CLSTN3: variants seen among roughly 807,000 people sequenced by gnomAD.
CLSTN3 encodes calsyntenin 3.
A neutral mutation model predicts 95.9 loss-of-function variants in CLSTN3; 36 were observed. That is an observed-to-expected ratio of 0.38 (90% CI 0.29 to 0.50). CLSTN3 has a LOEUF of 0.50. Ranked by LOEUF, CLSTN3 falls within the 20% of genes least tolerant of loss-of-function variation. The probability of loss-of-function intolerance (pLI) is 0.95; values close to 1 mark genes in which losing one functional copy is unlikely to be tolerated. For synonymous variants in CLSTN3, 481 were observed against 504.0 expected (o/e 0.95, Z 0.61); for missense variants, 1,084 against 1,268.8 (o/e 0.85, Z 2.21).
In CLSTN3 at chr12:7,142,117, C is replaced by A; in HGVS notation, c.1518C>A (p.Asp506Glu). ...EEKNKEKEKG[D>E]NSTDTTQGDP... is the part of the protein sequence containing the mutation. Reference sequence around the variant, plus strand: ...AGAACAAAGAGAAGGAAAAGGGAGACAACAGTACAGACACCACCCAAGGTA... The same window carrying A: ...AGAACAAAGAGAAGGAAAAGGGAGAAAACAGTACAGACACCACCCAAGGTA... Residue 506 changes from aspartate to glutamate, a missense_variant, in exon 10 of 18, where the codon GAC (aspartate) becomes GAA (glutamate). Coordinates refer to ENST00000266546, the MANE Select transcript of CLSTN3 (RefSeq NM_014718.4). 6.2e-7 allele frequency: 1 copy of A among 1,606,268 alleles called. No individual in the cohort carries two copies. Among genetic ancestry groups the A allele is most frequent in the Non-Finnish European group, 8.5e-7 (1 of 1,175,662 alleles).
At position 7,132,835 on chromosome 12, in the gene CLSTN3, C is replaced by T. The variant is rs768397825; in HGVS notation, c.65-189C>T. The T allele has an allele frequency of 1.4e-4, 102 of 708,828 alleles. No individual in the cohort carries two copies. In the African/African-American group the frequency reaches 1.5e-3, roughly 10 times the overall value. The allele number at this position is 708,828 out of a possible 1,614,324, so 43.9% of individuals were successfully genotyped here. On this transcript the variant is annotated intron_variant, in intron 1 of 17. Coordinates refer to ENST00000266546, the MANE Select transcript of CLSTN3 (RefSeq NM_014718.4). Reference sequence around the variant, plus strand: ...GCTATAGGAGAAGGCTATGACCTCCCGCAGACCCTCTGACTCCTTTAGTAG... The same window carrying T: ...GCTATAGGAGAAGGCTATGACCTCCTGCAGACCCTCTGACTCCTTTAGTAG...
chr12:7,135,747 C>A (rs959933439), intron 4 of CLSTN3, 57 bp from the exon 5 acceptor site: 1 of 1,545,322 alleles, frequency 6.5e-7, no homozygotes, highest in Non-Finnish European at 8.7e-7. Context: ...ATCCTCCCCT[C>A]CCTGCCCTGG....
rs763147878 is a variant in CLSTN3, at chr12:7,148,966, A to G, written c.1848-6A>G. The G allele has an allele frequency of 3.1e-6, 5 of 1,613,020 alleles. No individual in the cohort carries two copies. Among genetic ancestry groups the G allele is most frequent in the Non-Finnish European group, 4.2e-6 (5 of 1,179,120 alleles). On this transcript the variant is annotated splice_region_variant and splice_polypyrimidine_tract_variant and intron_variant, in intron 12 of 17. Coordinates refer to ENST00000266546, the MANE Select transcript of CLSTN3 (RefSeq NM_014718.4). ...CACATGCTGCTTCTCCTGCTTTCTT[A>G]CATAGGTGCTTCAGCGAAGAGTCCT...
Position 7,141,427 on chromosome 12 carries a change from C to A in CLSTN3, c.1486+23C>A. 1.2e-6 allele frequency: 2 copies of A among 1,613,828 alleles called. No individual in the cohort carries two copies. The highest frequency in any genetic ancestry group is 1.7e-6 in the Non-Finnish European group (2 of 1,179,808). On this transcript the variant is annotated intron_variant, in intron 9 of 17. Coordinates refer to ENST00000266546, the MANE Select transcript of CLSTN3 (RefSeq NM_014718.4). This position sits in a 1 kb window ranked among gnomAD's most constrained non-coding sequence, Gnocchi z 4.1. Reference sequence around the variant, plus strand: ...CTGGTAAGCTTCTCAGTGAAGACTCCAGTGGTTCAGGATTTGGGAAGGGAG... The same window carrying A: ...CTGGTAAGCTTCTCAGTGAAGACTCAAGTGGTTCAGGATTTGGGAAGGGAG...
rs779979604 is a variant in CLSTN3 at position 7,137,098 on chromosome 12, A to T, written c.1198A>T (p.Thr400Ser). The T allele has an allele frequency of 3.7e-6, 6 of 1,610,880 alleles. No homozygotes were observed. Among genetic ancestry groups the T allele is most frequent in the Non-Finnish European group, 5.1e-6 (6 of 1,178,662 alleles). The change falls in exon 7 of 18, where the codon ACT (threonine) becomes TCT (serine). Residue 400 changes from threonine to serine, a missense_variant. By Grantham distance (58) the Thr-to-Ser change is moderately conservative. Transcript: ENST00000266546. The surrounding 1 kb of genome is among the most constrained non-coding windows in gnomAD (Gnocchi z 4.4). ...GGAAGAGGAAACCATCGTATGTAAC[A>T]CTGTCCAGAATGGTGAGCCTCCCCT... ...KKEEETIVCN[T>S]VQNEDGFSHY...
intron 12 of CLSTN3, among the ~76,000 whole-genome samples, chr12:7,146,432 A>G (rs1939623163): frequency 6.6e-6 from 1 of 151,798 alleles, no homozygotes; most frequent in South Asian, 2.1e-4. Context: ...AAAAAAACAG[A>G]TCTTATCATG....
chr12:7,143,090 C>T, intron 11 of CLSTN3, 64 bp downstream of exon 11: 3 of 1,595,884 alleles, frequency 1.9e-6, no homozygotes, highest in Non-Finnish European at 2.6e-6. Context: ...CCTTGCCCTA[C>T]CCCTCTACCT....
intron 6 of CLSTN3, 149 bp downstream of exon 6, chr12:7,136,540 A>C: frequency 1.2e-6 from 1 of 862,016 alleles, no homozygotes; most frequent in Non-Finnish European, 1.8e-6. Flanking sequence ...TGCGGCCCAA[A>C]AGGCAGGTAC....
Position 7,136,820 on chromosome 12 carries a change from C to T in CLSTN3, c.929-9C>T, listed in dbSNP as rs1392080931. 6.2e-7 allele frequency: 1 copy of T among 1,612,298 alleles called. No individual in the cohort carries two copies. The highest frequency in any genetic ancestry group is 8.5e-7 in the Non-Finnish European group (1 of 1,178,584). On this transcript the variant is annotated splice_polypyrimidine_tract_variant and intron_variant, in intron 6 of 17. Coordinates refer to ENST00000266546, the MANE Select transcript of CLSTN3 (RefSeq NM_014718.4). ...GCTCTGACACTTGTGCCTCCTGGGG[C>T]TCCCACAGGTGCTGCCACTGGGGAG...
intron 12 of CLSTN3, among the ~76,000 whole-genome samples, chr12:7,147,307 C>T (rs755325668): frequency 1.4e-4 from 20 of 143,098 alleles, no homozygotes; most frequent in East Asian, 6.7e-4. Context: ...GGCTGAGGCA[C>T]GAGATTGCTT....
At position 7,157,985 on chromosome 12, in the gene CLSTN3, C is replaced by A; in HGVS notation, c.2775C>A (p.Gly925=). Residue 925 remains glycine, a synonymous_variant, in exon 18 of 18, where the codon GGC becomes GGA. Transcript: ENST00000266546. This position sits in a 1 kb window ranked among gnomAD's most constrained non-coding sequence, Gnocchi z 5.9. The stretch of plus-strand genomic sequence containing the variant: ...CCTGTGTGACGGGGGCTGTTGGGGG[C>A]CAGCAGGAGGATGAGGACAGCAGTG... ...RQSCVTGAVG[G]QQEDEDSSDS... The A allele has an allele frequency of 5.2e-6, 8 of 1,551,268 alleles. No homozygotes were observed. The highest frequency in any genetic ancestry group is 7.0e-6 in the Non-Finnish European group (8 of 1,146,932).
At position 7,133,031 on chromosome 12, in the gene CLSTN3, G is replaced by C. The variant is rs1167164314; in HGVS notation, c.72G>C (p.Lys24Asn). 6.2e-7 allele frequency: 1 copy of C among 1,613,482 alleles called. No homozygotes were observed. The change falls in exon 2 of 18, where the codon AAG (lysine) becomes AAC (asparagine). Residue 24 changes from lysine (K) to asparagine (N), a missense_variant. Physicochemically the swap from Lys to Asn is moderately conservative, Grantham distance 94 (BLOSUM62 0). Coordinates refer to ENST00000266546, the MANE Select transcript of CLSTN3 (RefSeq NM_014718.4). This position sits in a 1 kb window ranked among gnomAD's most constrained non-coding sequence, Gnocchi z 4.7. ...LASCSCNKAN[K>N]HKPWIEAEYQ... ...TCCCTGGGGTGGGGCCAGCCAACAA[G>C]CACAAGCCATGGATTGAGGCAGAGT...
intron 16 of CLSTN3, chr12:7,156,810 G>C (rs756545857): frequency 5.0e-5 from 23 of 455,854 alleles, no homozygotes; most frequent in African/African-American, 4.4e-4. Flanking sequence ...AAGCATGGGA[G>C]AGCCACGGGG....
chr12:7,135,770 G>T, intron 4 of CLSTN3, 34 bp from the exon 5 acceptor site: 2 of 1,571,682 alleles, frequency 1.3e-6, no homozygotes, highest in Non-Finnish European at 8.6e-7. Context: ...TTTCTCCAAT[G>T]CTCTAATGCT....
At chr12:7,145,985 C>T (rs1209951175) in intron 12 of CLSTN3, among the ~76,000 whole-genome samples, 1 of 152,188 alleles carries the variant, frequency 6.6e-6, no homozygotes, top group African/African-American at 2.4e-5. Flanking sequence ...GGTCTTATTA[C>T]CTCTTATCTG....
intron 12 of CLSTN3, among the ~76,000 whole-genome samples, chr12:7,144,232 C>CAAAAAA (rs754358387): frequency 1.6e-4 from 11 of 69,604 alleles, no homozygotes; most frequent in African/African-American, 3.1e-4. Flanking sequence ...GACTCCATCT[C>CAAAAAA]AAAAAAAAAA....
chr12:7,149,388 A>G lies in CLSTN3; in HGVS notation c.2075-135A>G. ...TGGAAATGAATTGTTGCATAATGAT[A>G]TTCTTGAAAATGATGCTGACTTCCC... On this transcript the variant is annotated intron_variant, in intron 13 of 17. Coordinates refer to ENST00000266546, the MANE Select transcript of CLSTN3 (RefSeq NM_014718.4). The surrounding 1 kb of genome is among the most constrained non-coding windows in gnomAD (Gnocchi z 4.5). 3.3e-6 allele frequency: 3 copies of G among 921,524 alleles called. No individual in the cohort carries two copies. The Admixed American group carries it at 7.6e-5, about 23-fold the overall frequency. The allele number at this position is 921,524 out of a possible 1,614,324, so 57.1% of individuals were successfully genotyped here. A position where few individuals can be genotyped will look rare whatever the true frequency, so the allele number is the denominator to read the frequency against.
In CLSTN3 at chr12:7,158,107, G is replaced by A. The variant is rs760882672; in HGVS notation, c.*26G>A. 5.4e-6 allele frequency: 8 copies of A among 1,479,684 alleles called. No individual in the cohort carries two copies. The East Asian group carries it at 2.0e-4, about 37-fold the overall frequency. 91.7% of individuals were successfully genotyped at this position (1,479,684 alleles called of 1,614,324 possible). ...GGCCTACACCTCTCCCCACGCAGAG[G>A]GGGAATTCTGCCCTGGTGAAACAGA... On this transcript the variant is annotated 3_prime_UTR_variant, in exon 18 of 18. Transcript: ENST00000266546.
At chr12:7,135,572 C>T in intron 4 of CLSTN3, 37 bp downstream of exon 4, 4 of 1,596,346 alleles carry the variant, frequency 2.5e-6, no homozygotes, top group Non-Finnish European at 3.4e-6. Flanking sequence ...CACCCAGTTC[C>T]CCTTGAGCAC....
Sources: gnomAD v4.1 joint callset for allele counts (sites outside exome capture counted in the v4.1 genomes callset) on GRCh38, gnomAD v4.1.1 for gene constraint, Gnocchi (gnomAD v3.1) non-coding constraint, MANE v1.5 for transcripts, NCBI Gene and HGNC (gene_info 2026-07-23, HGNC 2026-07-21) for gene names.